The following RABGAP1L variants were observed in gnomAD, a reference collection of about 807,000 sequenced individuals.
RABGAP1L encodes rab GTPase-activating protein 1-like.
A neutral mutation model predicts 137.7 loss-of-function variants in RABGAP1L; 63 were observed. The observed-to-expected ratio is 0.46, with a 90% CI of 0.37 to 0.56. The LOEUF is 0.56. Among genes scored for constraint, RABGAP1L ranks in the 20% least tolerant of loss-of-function variants. The pLI is 0.00. For missense variants in RABGAP1L, 1,095 were observed against 1,244.0 expected (o/e 0.88, Z 1.80); for synonymous variants, 431 against 433.7 (o/e 0.99, Z 0.08).
In RABGAP1L at chr1:174,449,338, T is replaced by C; in HGVS notation, c.1710+55193T>C. The C allele has an allele frequency of 1.9e-5, 13 of 667,478 alleles. No homozygotes were observed. In the South Asian group the frequency reaches 3.2e-4, roughly 17 times the overall value. The allele number at this position is 667,478 out of a possible 1,614,324, so 41.3% of individuals were successfully genotyped here. On this transcript the variant is annotated intron_variant, in intron 13 of 25. Coordinates refer to ENST00000681986, the MANE Select transcript of RABGAP1L (RefSeq NM_001366446.1). ...AAGTATGAGACTAAAGGTTTCTCTC[T>C]TTTTTTTTCTTTTTCATGGAAGAAA...
intron 17 of RABGAP1L, among the ~76,000 whole-genome samples, chr1:174,749,574 G>A (rs1012406280): frequency 2.6e-5 from 4 of 152,016 alleles, no homozygotes; most frequent in African/African-American, 7.2e-5. Flanking sequence ...TTGGCAATTG[G>A]TTGAAAGAGT....
chr1:174,297,490 T>G (rs938081826), intron 10 of RABGAP1L, among the ~76,000 whole-genome samples: 2 of 152,188 alleles, frequency 1.3e-5, no homozygotes, highest in Admixed American at 6.5e-5. Flanking sequence ...CGAGTTCCAC[T>G]CCAATGAGCA....
intron 13 of RABGAP1L, among the ~76,000 whole-genome samples, chr1:174,445,683 G>A (rs1240875901): frequency 6.6e-6 from 1 of 151,996 alleles, no homozygotes; most frequent in African/African-American, 2.4e-5. Context: ...ATGAAGACTT[G>A]GCAAATTTTT....
At chr1:174,508,730 GT>G (rs1398651440) in intron 13 of RABGAP1L, among the ~76,000 whole-genome samples, 4 of 152,088 alleles carry the variant, frequency 2.6e-5, no homozygotes, top group Admixed American at 1.3e-4. Flanking sequence ...GGAAATGATT[GT>G]CCTTTCTGAA....
At chr1:174,190,920 C>A (rs1008363657) in intron 1 of RABGAP1L, among the ~76,000 whole-genome samples, 6 of 152,104 alleles carry the variant, frequency 3.9e-5, no homozygotes, top group Non-Finnish European at 7.3e-5. Flanking sequence ...TGTTGTGTTT[C>A]AGGAATAGGG....
chr1:174,354,833 T>G (rs1683482109), intron 11 of RABGAP1L, among the ~76,000 whole-genome samples: 1 of 152,232 alleles, frequency 6.6e-6, no homozygotes, highest in Admixed American at 6.5e-5. Flanking sequence ...GAATTAAATT[T>G]TGTATAAGGT....
At chr1:174,858,259 C>T (rs1486273644) in intron 19 of RABGAP1L, among the ~76,000 whole-genome samples, 1 of 152,140 alleles carries the variant, frequency 6.6e-6, no homozygotes, top group Non-Finnish European at 1.5e-5. Context: ...TCAAGTGATC[C>T]TCCTGCCCTT....
intron 11 of RABGAP1L, among the ~76,000 whole-genome samples, chr1:174,312,555 T>C (rs1168949349): frequency 1.3e-5 from 2 of 152,214 alleles, no homozygotes; most frequent in Non-Finnish European, 2.9e-5. Flanking sequence ...GTGAGTTATC[T>C]CTTCACTTTG....
rs189125908 is a variant in RABGAP1L, at chr1:174,574,951, A to G, written c.1711-62424A>G. The stretch of plus-strand genomic sequence containing the variant: ...GTTTGTTTGTTTGTTTGTTTTTGAG[A>G]CAGAGTCTCACTCTTGTTGCCCAGA... On this transcript the variant is annotated intron_variant, in intron 13 of 25. Transcript: ENST00000681986. 1.3e-3 allele frequency among the ~76,000 whole-genome samples: 200 copies of G among 152,318 alleles called. 1 individual carries two copies. The highest frequency in any genetic ancestry group is 4.5e-3 in the African/African-American group (186 of 41,570).
chr1:174,195,767 C>CTT (rs1558021956), intron 1 of RABGAP1L, among the ~76,000 whole-genome samples: 1 of 129,756 alleles, frequency 7.7e-6, no homozygotes. Context: ...TTCTCTCTTT[C>CTT]TCTCTTTCCT....
intron 13 of RABGAP1L, among the ~76,000 whole-genome samples, chr1:174,458,432 T>C (rs1372437420): frequency 6.6e-6 from 1 of 151,914 alleles, no homozygotes; most frequent in Non-Finnish European, 1.5e-5. Flanking sequence ...ATGTTGTGCT[T>C]TTATGTTTGC....
rs112855995 is a variant in RABGAP1L at position 174,351,215 on chromosome 1, C to T, written c.1466-19764C>T. 7.1e-3 allele frequency among the ~76,000 whole-genome samples: 1,083 copies of T among 152,220 alleles called. 19 individuals are homozygous for T. The highest frequency in any genetic ancestry group is 0.024 in the African/African-American group (1,003 of 41,544). ...GAGTAGTTTACTAGTTTACAAAGCA[C>T]AATTATAGTGTTATCATTTTCTGTG... On this transcript the variant is annotated intron_variant, in intron 11 of 25. Transcript: ENST00000681986.
intron 19 of RABGAP1L, among the ~76,000 whole-genome samples, chr1:174,880,623 C>T (rs1654037513): frequency 6.6e-6 from 1 of 151,458 alleles, no homozygotes; most frequent in African/African-American, 2.4e-5. Context: ...AAGGTCTCAC[C>T]ATGTCACCAA....
At chr1:174,489,938 T>A (rs1455131009) in intron 13 of RABGAP1L, among the ~76,000 whole-genome samples, 8 of 152,152 alleles carry the variant, frequency 5.3e-5, no homozygotes, top group Non-Finnish European at 7.3e-5. Context: ...TTTTTAATTA[T>A]TTCAATCTCT....
Position 174,301,279 on chromosome 1 carries a change from G to A in RABGAP1L, c.1324-3707G>A, listed in dbSNP as rs1364820446. Among the ~76,000 whole-genome samples, 4 of 151,522 alleles carry A rather than the reference G, an allele frequency of 2.6e-5. No homozygotes were observed. The East Asian group carries it at 7.9e-4, about 30-fold the overall frequency. ...GATAGAGGACACAGCACCCAGGCAG[G>A]GGTGCTGTGACTCCGAAGCCCCTGA... On this transcript the variant is annotated intron_variant, in intron 10 of 25. Coordinates refer to ENST00000681986, the MANE Select transcript of RABGAP1L (RefSeq NM_001366446.1).
intron 19 of RABGAP1L, among the ~76,000 whole-genome samples, chr1:174,816,540 T>C (rs893320763): frequency 6.6e-6 from 1 of 152,142 alleles, no homozygotes; most frequent in Non-Finnish European, 1.5e-5. Flanking sequence ...TTCAATACCA[T>C]TTATATTGTA....
chr1:174,642,686 T>C (rs1674624301), intron 14 of RABGAP1L, among the ~76,000 whole-genome samples: 1 of 141,406 alleles, frequency 7.1e-6, no homozygotes, highest in South Asian at 2.6e-4. Context: ...TCTCCTCTCC[T>C]TTCTCTGTCT....
At chr1:174,545,150 A>T (rs543190222) in intron 13 of RABGAP1L, 1 of 152,530 alleles carries the variant, frequency 6.6e-6, no homozygotes, top group South Asian at 2.1e-4. Context: ...AGGGACATTT[A>T]AGTCTGCAGA....
At chr1:174,180,287 G>T (rs1666242512) in intron 1 of RABGAP1L, among the ~76,000 whole-genome samples, 1 of 152,114 alleles carries the variant, frequency 6.6e-6, no homozygotes, top group Non-Finnish European at 1.5e-5. Context: ...TGGGCAAGTT[G>T]GTGTGACCAC....
Sources: gnomAD v4.1 joint callset for allele counts (sites outside exome capture counted in the v4.1 genomes callset) on GRCh38, gnomAD v4.1.1 for gene constraint, MANE v1.5 for transcripts, NCBI Gene and HGNC (gene_info 2026-07-23, HGNC 2026-07-21) for gene names.